CCDC171: variants seen among roughly 807,000 people sequenced by gnomAD.
CCDC171 encodes coiled-coil domain-containing protein 171.
A neutral mutation model predicts 168.2 loss-of-function variants in CCDC171; 177 were observed. The ratio of observed to expected loss-of-function variants is 1.05; its 90% CI spans 0.93 to 1.19. The LOEUF is 1.19. Among genes scored for constraint, CCDC171 ranks in the 50% most tolerant of loss-of-function variants. The pLI is 0.00. For missense variants in CCDC171, 1,991 were observed against 1,539.0 expected, an observed-to-expected ratio of 1.29 and a Z score of -4.91; for synonymous variants, 687 against 540.8, an observed-to-expected ratio of 1.27 and a Z score of -3.75.
At chr9:15,968,882 T>A (rs955337270) in intron 25 of CCDC171, among the ~76,000 whole-genome samples, 7 of 152,164 alleles carry the variant, frequency 4.6e-5, no homozygotes, top group Non-Finnish European at 1.0e-4. Context: ...AATCAGACTT[T>A]ACCTCATTTC....
In CCDC171 at chr9:15,654,933, C is replaced by CA. The variant is rs527983307; in HGVS notation, c.823-2188dup. ...CATTCTGAGCAAACTATTGCAAGGA[C>CA]AAAAAACCAAACACCGCCTGTTCTC... On this transcript the variant is annotated intron_variant, in intron 7 of 25. Transcript: ENST00000380701. Among the ~76,000 whole-genome samples, 939 of 152,074 alleles carry CA rather than the reference C, an allele frequency of 6.2e-3. 8 individuals carry two copies. The highest frequency in any genetic ancestry group is 0.022 in the African/African-American group (912 of 41,446).
chr9:15,772,986 C>T (rs2057092378), intron 18 of CCDC171, among the ~76,000 whole-genome samples: 1 of 151,716 alleles, frequency 6.6e-6, no homozygotes, highest in Non-Finnish European at 1.5e-5. Context: ...ATATTATTAA[C>T]CTTATTATTA....
intron 25 of CCDC171, among the ~76,000 whole-genome samples, chr9:15,949,892 A>G (rs1025386443): frequency 2.6e-5 from 4 of 152,140 alleles, no homozygotes; most frequent in African/African-American, 4.8e-5. Flanking sequence ...CCAGTTTTCA[A>G]ATGGAATGCT....
rs140437207 is a variant in CCDC171, at chr9:15,813,606, T to TTGTG, written c.3267+28926_3267+28929dup. 7.9e-3 allele frequency among the ~76,000 whole-genome samples: 1,185 copies of TTGTG among 149,908 alleles called. 12 individuals are homozygous for TTGTG. Among genetic ancestry groups the TTGTG allele is most frequent in the African/African-American group, 0.025 (1,024 of 40,776 alleles). On this transcript the variant is annotated intron_variant, in intron 21 of 25. Coordinates refer to ENST00000380701, the MANE Select transcript of CCDC171 (RefSeq NM_173550.4). ...ACATTTTACATACTTTTACATGTATTTGTGTGTGTGTGTGTGTATATATAT... is the reference window on the plus strand; with the variant it reads ...ACATTTTACATACTTTTACATGTATTTGTGTGTGTGTGTGTGTGTGTATATATAT...
chr9:15,809,133 T>G (rs550462781), intron 21 of CCDC171, among the ~76,000 whole-genome samples: 22 of 152,298 alleles, frequency 1.4e-4, no homozygotes, highest in African/African-American at 5.3e-4. Context: ...AACATAAAAA[T>G]TTTTTGGGAA....
At chr9:15,711,043 T>C (rs1229875350) in intron 11 of CCDC171, among the ~76,000 whole-genome samples, 3 of 152,192 alleles carry the variant, frequency 2.0e-5, no homozygotes, top group Non-Finnish European at 4.4e-5. Context: ...TTTCTCCCAA[T>C]TGGTAATGGA....
chr9:15,845,145 T>C (rs1483210712), intron 21 of CCDC171, among the ~76,000 whole-genome samples: 1 of 152,142 alleles, frequency 6.6e-6, no homozygotes. Flanking sequence ...AGGATTTTAC[T>C]TTTTTAAATA....
chr9:15,808,353 A>C (rs2059169540), intron 21 of CCDC171, among the ~76,000 whole-genome samples: 2 of 152,254 alleles, frequency 1.3e-5, no homozygotes, highest in Non-Finnish European at 2.9e-5. Context: ...GTATGCCTTC[A>C]AACATGAGTT....
At chr9:15,836,490 CGAGTAGCTGG>C (rs2060456309) in intron 21 of CCDC171, among the ~76,000 whole-genome samples, 1 of 152,120 alleles carries the variant, frequency 6.6e-6, no homozygotes, top group Non-Finnish European at 1.5e-5. Flanking sequence ...CTCAGCCTCC[CGAGTAGCTGG>C]GACACCACGT....
At chr9:16,015,785 T>C (rs1253070799) in intron 3 of CCDC171, among the ~76,000 whole-genome samples, 1 of 152,184 alleles carries the variant, frequency 6.6e-6, no homozygotes, top group African/African-American at 2.4e-5. Flanking sequence ...TCCTCCCTCT[T>C]CTCATCTCTT....
chr9:15,930,114 T>A (rs1273825530), intron 25 of CCDC171, among the ~76,000 whole-genome samples: 4 of 151,724 alleles, frequency 2.6e-5, no homozygotes, highest in Admixed American at 2.0e-4. Flanking sequence ...ATGATCAGAT[T>A]TTAATAAATG....
chr9:15,572,883 G>A (rs1052190308), intron 3 of CCDC171, among the ~76,000 whole-genome samples: 16 of 152,244 alleles, frequency 1.1e-4, no homozygotes, highest in African/African-American at 3.4e-4. Flanking sequence ...AAAGGGCCAG[G>A]TGTGGTGGCT....
At chr9:15,987,223 G>GT (rs776067688) in intron 3 of CCDC171, among the ~76,000 whole-genome samples, 3 of 152,086 alleles carry the variant, frequency 2.0e-5, no homozygotes, top group Non-Finnish European at 4.4e-5. Flanking sequence ...GAAAAAATTT[G>GT]TAACACACAT....
intron 21 of CCDC171, among the ~76,000 whole-genome samples, chr9:15,808,013 T>G (rs1350946074): frequency 6.6e-6 from 1 of 152,030 alleles, no homozygotes; most frequent in Non-Finnish European, 1.5e-5. Flanking sequence ...TCCAGTTTTA[T>G]CATTGTTTAA....
intron 21 of CCDC171, among the ~76,000 whole-genome samples, chr9:15,796,634 C>G (rs2058569580): frequency 6.6e-6 from 1 of 152,208 alleles, no homozygotes. Flanking sequence ...GAGCTCCCTG[C>G]TCAACCCTGC....
chr9:15,623,483 A>ACC, intron 7 of CCDC171, 70 bp downstream of exon 7: 1 of 531,118 alleles, frequency 1.9e-6, no homozygotes, highest in Non-Finnish European at 3.1e-6. Context: ...GCGCACACAC[A>ACC]CACACACACA....
intron 18 of CCDC171, among the ~76,000 whole-genome samples, chr9:15,752,575 A>C (rs2134877154): frequency 6.6e-6 from 1 of 152,330 alleles, no homozygotes; most frequent in East Asian, 1.9e-4. Context: ...AAAAAGGATG[A>C]GTTCATGTCC....
chr9:15,623,251 A>G lies in CCDC171; in HGVS notation c.676-16A>G, dbSNP rs1296362959. 1.9e-6 allele frequency: 3 copies of G among 1,542,050 alleles called. No homozygotes were observed. The highest frequency in any genetic ancestry group is 1.3e-5 in the South Asian group (1 of 77,936). ...GCTTATAAACTTTATTGATGCAAAA[A>G]TGAATTATTTTCCAGGAGCAAGATA... On this transcript the variant is annotated splice_polypyrimidine_tract_variant and intron_variant, in intron 6 of 25. Coordinates refer to ENST00000380701, the MANE Select transcript of CCDC171 (RefSeq NM_173550.4).
At chr9:15,949,160 C>G (rs557936471) in intron 25 of CCDC171, among the ~76,000 whole-genome samples, 2 of 152,194 alleles carry the variant, frequency 1.3e-5, no homozygotes, top group South Asian at 4.2e-4. Context: ...TCTGAGGGCT[C>G]TGTTCTGTTC....
Sources: gnomAD v4.1 joint callset for allele counts (sites outside exome capture counted in the v4.1 genomes callset) on GRCh38, gnomAD v4.1.1 for gene constraint, MANE v1.5 for transcripts, NCBI Gene and HGNC (gene_info 2026-07-23, HGNC 2026-07-21) for gene names.